The following CFTR variants were observed in gnomAD, a reference collection of about 807,000 sequenced individuals.
The protein encoded by CFTR is cystic fibrosis transmembrane conductance regulator.
CFTR carries 181 observed loss-of-function variants against 171.6 expected under a neutral mutation model. The observed-to-expected ratio is 1.05, with a 90% CI of 0.93 to 1.19. The LOEUF (loss-of-function observed/expected upper bound fraction) is 1.19, where lower values mean the gene tolerates loss of function less well. Among genes scored for constraint, CFTR ranks in the 50% most tolerant of loss-of-function variants. The pLI, the probability that CFTR is intolerant of heterozygous loss-of-function variation, is 0.00. For missense variants in CFTR, 1,968 were observed against 1,734.7 expected (o/e 1.13, Z -2.39); for synonymous variants, 583 against 608.0 (o/e 0.96, Z 0.60).
chr7:117,611,812 C>G lies in CFTR; in HGVS notation c.3367+4C>G. ...TTCATTTCCATTTTAACAACAGGTACTATGAACTCATTAACTTTAGCTAAG... is the reference window on the plus strand; with the variant it reads ...TTCATTTCCATTTTAACAACAGGTAGTATGAACTCATTAACTTTAGCTAAG... On this transcript the variant is annotated splice_donor_region_variant and intron_variant, in intron 20 of 26. Coordinates refer to ENST00000003084, the MANE Select transcript of CFTR (RefSeq NM_000492.4). 1 of 1,591,382 alleles carries G rather than the reference C, an allele frequency of 6.3e-7. No individual in the cohort carries two copies. The highest frequency in any genetic ancestry group is 8.6e-7 in the Non-Finnish European group (1 of 1,160,556).
At chr7:117,515,977 C>T (rs1798590861) in intron 3 of CFTR, among the ~76,000 whole-genome samples, 1 of 151,916 alleles carries the variant, frequency 6.6e-6, no homozygotes, top group Admixed American at 6.6e-5. Context: ...AAACAAAATT[C>T]ATTTCTTGTT....
chr7:117,496,017 A>T (rs1425106313), intron 1 of CFTR, among the ~76,000 whole-genome samples: 1 of 152,192 alleles, frequency 6.6e-6, no homozygotes, highest in Non-Finnish European at 1.5e-5. Flanking sequence ...TCCTATTAGC[A>T]GTCATTCCTT....
At chr7:117,489,834 T>C (rs1798128551) in intron 1 of CFTR, among the ~76,000 whole-genome samples, 1 of 151,902 alleles carries the variant, frequency 6.6e-6, no homozygotes, top group Non-Finnish European at 1.5e-5. Flanking sequence ...TTCCTGTCTA[T>C]AAAATAATAT....
At chr7:117,606,604 T>C in intron 17 of CFTR, 70 bp from the exon 18 acceptor site, 1 of 837,404 alleles carries the variant, frequency 1.2e-6, no homozygotes, top group Non-Finnish European at 2.1e-6. Context: ...CCAAACTTAG[T>C]ATTGAATATA....
intron 11 of CFTR, among the ~76,000 whole-genome samples, chr7:117,579,815 A>G (rs527950422): frequency 6.6e-6 from 1 of 152,002 alleles, no homozygotes; most frequent in South Asian, 2.1e-4. Flanking sequence ...TGCTAAATGA[A>G]TTCAGTATAA....
rs34792223 is a variant in CFTR, at chr7:117,496,029, T to C, written c.54-8224T>C. On this transcript the variant is annotated intron_variant, in intron 1 of 26. Transcript: ENST00000003084. The stretch of plus-strand genomic sequence containing the variant: ...CATTCCTATTAGCAGTCATTCCTTA[T>C]TCCAAATCCCCCTGCTCGCCCTAGA... Among the ~76,000 whole-genome samples, 825 of 152,270 alleles carry C rather than the reference T, an allele frequency of 5.4e-3. 7 individuals are homozygous for C. Among genetic ancestry groups the C allele is most frequent in the African/African-American group, 0.019 (770 of 41,556 alleles).
chr7:117,480,661 A>C (rs1337212788), intron 1 of CFTR, among the ~76,000 whole-genome samples: 1 of 152,204 alleles, frequency 6.6e-6, no homozygotes, highest in Non-Finnish European at 1.5e-5. Flanking sequence ...GGATATATCT[A>C]GTATTTGTCA....
At chr7:117,559,318 G>A in intron 10 of CFTR, 146 bp from the exon 11 acceptor site, 1 of 676,382 alleles carries the variant, frequency 1.5e-6, no homozygotes, top group Non-Finnish European at 2.6e-6. Context: ...CCTGAAACAG[G>A]AAGTATTTTA....
chr7:117,589,349 T>TA (rs1791993281), intron 12 of CFTR, among the ~76,000 whole-genome samples: 1 of 152,016 alleles, frequency 6.6e-6, no homozygotes, highest in Admixed American at 6.6e-5. Flanking sequence ...CATTGGTTTT[T>TA]AAAAAAATTT....
rs528308684 is a variant in CFTR, at chr7:117,561,635, A to G, written c.1584+1980A>G. Among the ~76,000 whole-genome samples the G allele has an allele frequency of 6.1e-4, 93 of 152,280 alleles. 2 individuals are homozygous for G. The South Asian group carries it at 0.019, about 31-fold the overall frequency. ...AAGGTAAGGAATCATCATTCAGCAA[A>G]TATTTATTAAGACTTGCTTTATTTT... On this transcript the variant is annotated intron_variant, in intron 11 of 26. Coordinates refer to ENST00000003084, the MANE Select transcript of CFTR (RefSeq NM_000492.4).
chr7:117,529,733 G>A (rs1012538787), intron 3 of CFTR, among the ~76,000 whole-genome samples: 3 of 152,186 alleles, frequency 2.0e-5, no homozygotes, highest in African/African-American at 7.2e-5. Context: ...GGAGGTATTG[G>A]ATACTTGAGG....
chr7:117,568,670 G>A (rs563285730), intron 11 of CFTR, among the ~76,000 whole-genome samples: 11 of 152,114 alleles, frequency 7.2e-5, no homozygotes, highest in East Asian at 1.9e-4. Flanking sequence ...TTTGATTTAT[G>A]TATACATTGT....
chr7:117,596,747 G>T (rs1392448299), intron 15 of CFTR, among the ~76,000 whole-genome samples: 1 of 152,202 alleles, frequency 6.6e-6, no homozygotes, highest in Non-Finnish European at 1.5e-5. Flanking sequence ...ATCTGGTGGA[G>T]ACTTGGAGAA....
chr7:117,614,910 A>C (rs1792462497), intron 21 of CFTR, among the ~76,000 whole-genome samples, 197 bp downstream of exon 21: 1 of 152,098 alleles, frequency 6.6e-6, no homozygotes, highest in Non-Finnish European at 1.5e-5. Flanking sequence ...CACTATGAAG[A>C]TCTAATACTG....
At chr7:117,633,671 CCTT>C (rs1467169817) in intron 22 of CFTR, among the ~76,000 whole-genome samples, 1 of 151,154 alleles carries the variant, frequency 6.6e-6, no homozygotes, top group Non-Finnish European at 1.5e-5. Context: ...GAAGAAGTCT[CCTT>C]CTATTTTTAG....
At chr7:117,482,589 A>ATAGGAAGCTT (rs1798015229) in intron 1 of CFTR, among the ~76,000 whole-genome samples, 1 of 152,200 alleles carries the variant, frequency 6.6e-6, no homozygotes, top group African/African-American at 2.4e-5. Flanking sequence ...TGAAAATAAC[A>ATAGGAAGCTT]TTTATGAAAT....
intron 24 of CFTR, among the ~76,000 whole-genome samples, chr7:117,658,869 C>T (rs1793222075): frequency 6.6e-6 from 1 of 152,150 alleles, no homozygotes; most frequent in African/African-American, 2.4e-5. Flanking sequence ...GTTCATTCTG[C>T]TCTTTGCAGC....
intron 1 of CFTR, among the ~76,000 whole-genome samples, chr7:117,496,989 G>A (rs1035403445): frequency 7.9e-5 from 12 of 151,702 alleles, no homozygotes; most frequent in Non-Finnish European, 1.6e-4. Context: ...AAGCACAAAA[G>A]TATTTAATTT....
chr7:117,487,049 G>A (rs2116613211), intron 1 of CFTR, among the ~76,000 whole-genome samples: 1 of 152,232 alleles, frequency 6.6e-6, no homozygotes, highest in East Asian at 1.9e-4. Flanking sequence ...CAGTGGTGCT[G>A]CTTATTGAAT....
Sources: allele counts gnomAD v4.1 joint callset (sites outside exome capture counted in the v4.1 genomes callset), GRCh38; gene constraint gnomAD v4.1.1; transcripts MANE v1.5; gene names NCBI Gene and HGNC (gene_info 2026-07-23, HGNC 2026-07-21).